The following NAV2 variants were observed in gnomAD, a reference collection of about 807,000 sequenced individuals.
The protein encoded by NAV2 is helicase, APC down-regulated 1.
A neutral mutation model predicts 223.2 loss-of-function variants in NAV2; 54 were observed. That is an observed-to-expected ratio of 0.24 (90% CI 0.19 to 0.30). The LOEUF (loss-of-function observed/expected upper bound fraction) is 0.30. Among genes scored for constraint, NAV2 ranks in the 10% least tolerant of loss-of-function variants. The pLI is 1.00. For missense variants in NAV2, 2,806 were observed against 3,147.5 expected (o/e 0.89, Z 2.60); for synonymous variants, 1,279 against 1,239.3 (o/e 1.03, Z -0.67).
intron 1 of NAV2, among the ~76,000 whole-genome samples, chr11:19,627,394 A>G (rs1367877143): frequency 6.6e-6 from 1 of 152,068 alleles, no homozygotes; most frequent in East Asian, 1.9e-4. Context: ...GTCTCAAAAA[A>G]AAAAAGAGAT....
intron 11 of NAV2, among the ~76,000 whole-genome samples, chr11:19,999,338 C>A (rs10741808): frequency 0.78 from 118,500 of 152,178 alleles, 46,696 homozygotes; most frequent in South Asian, 0.91. Context: ...GGGAGACTGA[C>A]TGGTTTAACC....
chr11:19,497,661 G>A (rs116910635), intron 1 of NAV2, among the ~76,000 whole-genome samples: 3,770 of 152,240 alleles, frequency 0.025, 55 homozygotes, highest in Middle Eastern at 0.037. Context: ...TTAATCATGA[G>A]GTGGGAGTGA....
At chr11:19,452,932 A>G (rs1330103014) in intron 1 of NAV2, among the ~76,000 whole-genome samples, 1 of 152,366 alleles carries the variant, frequency 6.6e-6, no homozygotes, top group South Asian at 2.1e-4. Context: ...AGCTTTTTAC[A>G]TGTATTAATC....
At chr11:19,880,336 A>G (rs1183731161) in intron 5 of NAV2, among the ~76,000 whole-genome samples, 1 of 152,234 alleles carries the variant, frequency 6.6e-6, no homozygotes, top group African/African-American at 2.4e-5. Flanking sequence ...TTTATAGGTC[A>G]GAATTGCCAG....
At chr11:19,965,389 AT>A (rs917616329) in intron 10 of NAV2, among the ~76,000 whole-genome samples, 9 of 149,912 alleles carry the variant, frequency 6.0e-5, no homozygotes, top group African/African-American at 9.8e-5. Context: ...TCCACCATCC[AT>A]TTTTTTTTCC....
At chr11:19,468,478 T>C (rs943085297) in intron 1 of NAV2, among the ~76,000 whole-genome samples, 1 of 152,160 alleles carries the variant, frequency 6.6e-6, no homozygotes, top group African/African-American at 2.4e-5. Context: ...GCCTCCATCT[T>C]CTCCCTGGGT....
chr11:20,082,220 A>T (rs2060136107), intron 25 of NAV2, among the ~76,000 whole-genome samples: 1 of 152,216 alleles, frequency 6.6e-6, no homozygotes, highest in Non-Finnish European at 1.5e-5. Context: ...AGAATTGCTC[A>T]AAAAGAAGAC....
intron 7 of NAV2, among the ~76,000 whole-genome samples, chr11:19,934,762 T>C (rs2045693114): frequency 6.6e-6 from 1 of 152,174 alleles, no homozygotes; most frequent in Non-Finnish European, 1.5e-5. Context: ...CAGTCCCTGC[T>C]GAGTGCTGGG....
intron 1 of NAV2, among the ~76,000 whole-genome samples, chr11:19,365,696 T>C (rs1466608825): frequency 6.6e-6 from 1 of 152,218 alleles, no homozygotes; most frequent in Non-Finnish European, 1.5e-5. Context: ...TTCAGAGTCA[T>C]AGCATAAATA....
intron 1 of NAV2, among the ~76,000 whole-genome samples, chr11:19,389,591 A>G (rs1343252149): frequency 6.6e-6 from 1 of 152,216 alleles, no homozygotes; most frequent in Admixed American, 6.5e-5. Context: ...TCATCACACA[A>G]CAACTCACAA....
chr11:20,009,723 TCTC>T (rs141639619), intron 11 of NAV2, among the ~76,000 whole-genome samples: 2,443 of 152,140 alleles, frequency 0.016, 28 homozygotes, highest in Non-Finnish European at 0.026. Context: ...TTCCCCTCCT[TCTC>T]CTCTCTTCAA....
At chr11:19,666,320 A>G (rs2048409224) in intron 1 of NAV2, among the ~76,000 whole-genome samples, 1 of 152,236 alleles carries the variant, frequency 6.6e-6, no homozygotes, top group African/African-American at 2.4e-5. Context: ...ACATTCAGCA[A>G]TATTTGGGAT....
intron 1 of NAV2, among the ~76,000 whole-genome samples, chr11:19,441,362 T>G (rs1851393882): frequency 6.6e-6 from 1 of 152,064 alleles, no homozygotes; most frequent in Non-Finnish European, 1.5e-5. Context: ...ACATGAGAGA[T>G]ATGTGATCAA....
chr11:19,841,467 T>C (rs1645815687), intron 2 of NAV2, among the ~76,000 whole-genome samples: 1 of 152,196 alleles, frequency 6.6e-6, no homozygotes, highest in Admixed American at 6.5e-5. Context: ...AAATATGATA[T>C]GATTTTATTT....
intron 1 of NAV2, among the ~76,000 whole-genome samples, chr11:19,451,377 C>A (rs1564946503): frequency 6.6e-6 from 1 of 152,144 alleles, no homozygotes; most frequent in Non-Finnish European, 1.5e-5. Flanking sequence ...CAGATCTCAC[C>A]CTAATAGATT....
intron 1 of NAV2, among the ~76,000 whole-genome samples, chr11:19,660,676 G>A (rs2048252790): frequency 6.6e-6 from 1 of 152,122 alleles, no homozygotes; most frequent in Non-Finnish European, 1.5e-5. Context: ...ACAAGATATA[G>A]TACAAAAGTA....
chr11:19,739,145 G>A (rs2052584436), intron 1 of NAV2, among the ~76,000 whole-genome samples: 1 of 152,178 alleles, frequency 6.6e-6, no homozygotes, highest in Non-Finnish European at 1.5e-5. Flanking sequence ...TTGTGCCACT[G>A]GGCTTCAGTC....
At chr11:20,088,168 A>G (rs1231888287) in intron 26 of NAV2, among the ~76,000 whole-genome samples, 2 of 152,152 alleles carry the variant, frequency 1.3e-5, no homozygotes. Flanking sequence ...AGGCTGCTGC[A>G]AAAGAATGTG....
chr11:19,739,632 G>A (rs1374064548), intron 1 of NAV2, among the ~76,000 whole-genome samples: 3 of 152,258 alleles, frequency 2.0e-5, no homozygotes, highest in South Asian at 2.1e-4. Flanking sequence ...TTTAGAGAGT[G>A]TTCTCTGTTA....
Sources: allele counts gnomAD v4.1 joint callset (sites outside exome capture counted in the v4.1 genomes callset), GRCh38; gene constraint gnomAD v4.1.1; transcripts MANE v1.5; gene names NCBI Gene and HGNC (gene_info 2026-07-23, HGNC 2026-07-21).